SPPL3: variants seen among roughly 807,000 people sequenced by gnomAD.
The protein encoded by SPPL3 is signal peptide peptidase like 3.
Under a neutral mutation model 42.4 loss-of-function variants are expected in SPPL3, and 5 were observed. The ratio of observed to expected loss-of-function variants is 0.12; its 90% CI spans 0.06 to 0.25. The LOEUF is 0.25. Among genes scored for constraint, SPPL3 ranks in the 10% least tolerant of loss-of-function variants. SPPL3 has a pLI of 1.00. For missense variants in SPPL3, 235 were observed against 489.0 expected (o/e 0.48, Z 4.90); for synonymous variants, 195 against 181.8 (o/e 1.07, Z -0.58).
intron 10 of SPPL3, 120 bp downstream of exon 10, chr12:120,766,133 CACACACACAG>C: frequency 1.5e-6 from 1 of 655,124 alleles, no homozygotes; most frequent in Non-Finnish European, 2.5e-6. Flanking sequence ...CACACACACA[CACACACACAG>C]TCGAGATCAC....
intron 2 of SPPL3, among the ~76,000 whole-genome samples, chr12:120,808,459 T>A (rs766248582): frequency 6.6e-6 from 1 of 152,224 alleles, no homozygotes; most frequent in African/African-American, 2.4e-5. Context: ...TTACATAAAA[T>A]TTGGTTTAAA....
chr12:120,806,517 T>C (rs1347730292), intron 2 of SPPL3, among the ~76,000 whole-genome samples: 1 of 151,986 alleles, frequency 6.6e-6, no homozygotes, highest in Non-Finnish European at 1.5e-5. Context: ...GAATCATAAT[T>C]TTAAATGTAA....
In SPPL3 at chr12:120,764,562, A is replaced by C; in HGVS notation, c.*437T>G. ...AGTTCTCTGAAACTGAGTCCCCTAT[A>C]GGAAACTGGTCCCAAAGTTCTCGAG... On this transcript the variant is annotated 3_prime_UTR_variant, in exon 11 of 11. Transcript: ENST00000353487. The C allele has an allele frequency of 3.7e-6, 1 of 268,748 alleles. No homozygotes were observed. The highest frequency in any genetic ancestry group is 6.9e-6 in the Non-Finnish European group (1 of 144,236). 16.6% of individuals were successfully genotyped at this position (268,748 alleles called of 1,614,324 possible). A position where few individuals can be genotyped will look rare whatever the true frequency, so the allele number is the denominator to read the frequency against.
At chr12:120,856,826 T>G (rs547866542) in intron 1 of SPPL3, among the ~76,000 whole-genome samples, 1 of 152,130 alleles carries the variant, frequency 6.6e-6, no homozygotes, top group Non-Finnish European at 1.5e-5. Flanking sequence ...AACAGGGTAT[T>G]TGATGAATCT....
chr12:120,901,007 A>G (rs1213615191), intron 1 of SPPL3, among the ~76,000 whole-genome samples: 1 of 152,092 alleles, frequency 6.6e-6, no homozygotes, highest in Non-Finnish European at 1.5e-5. Flanking sequence ...GCAAAATGAC[A>G]GATAATCCAA....
rs534563167 is a variant in SPPL3, at chr12:120,897,213, A to G, written c.23+6632T>C. ...AAATCTTTTTGAGAAATGCATGATC[A>G]TTAAGCATTTAAATTGATAGTACTA... On this transcript the variant is annotated intron_variant, in intron 1 of 10. Transcript: ENST00000353487. Among the ~76,000 whole-genome samples, 13 of 152,384 alleles carry G rather than the reference A, an allele frequency of 8.5e-5. No homozygotes were observed. In the South Asian group the frequency reaches 2.7e-3, roughly 32 times the overall value.
chr12:120,881,112 T>C lies in SPPL3; in HGVS notation c.23+22733A>G, dbSNP rs529198648. The stretch of plus-strand genomic sequence containing the variant: ...GTGGAAAAACTGAAACCCTTATACA[T>C]TGCTGGTGGGAATGTAAAATTTGGC... On this transcript the variant is annotated intron_variant, in intron 1 of 10. Coordinates refer to ENST00000353487, the MANE Select transcript of SPPL3 (RefSeq NM_139015.5). 3.3e-5 allele frequency among the ~76,000 whole-genome samples: 5 copies of C among 152,084 alleles called. No homozygotes were observed. In the East Asian group the frequency reaches 5.8e-4, roughly 18 times the overall value.
At chr12:120,768,589 G>C (rs1831761929) in intron 7 of SPPL3, 101 bp from the exon 8 acceptor site, 1 of 1,305,008 alleles carries the variant, frequency 7.7e-7, no homozygotes, top group African/African-American at 1.5e-5. Context: ...AGAATGCTGT[G>C]ACTGCAATGC....
Position 120,801,297 on chromosome 12 carries a change from T to C in SPPL3, c.101+9512A>G, listed in dbSNP as rs150160961. 5.6e-3 allele frequency among the ~76,000 whole-genome samples: 851 copies of C among 152,150 alleles called. 3 individuals carry two copies. The highest frequency in any genetic ancestry group is 0.014 in the Middle Eastern group (4 of 294). On this transcript the variant is annotated intron_variant, in intron 2 of 10. Transcript: ENST00000353487. The stretch of plus-strand genomic sequence containing the variant: ...CCACCTGTGCTAGCTGGGCCTCCTC[T>C]TCTCTCTCTCTCATAATCTGTCTCA...
chr12:120,904,046 A>G lies in SPPL3; in HGVS notation c.-179T>C, dbSNP rs2686458. On this transcript the variant is annotated 5_prime_UTR_variant, in exon 1 of 11. Coordinates refer to ENST00000353487, the MANE Select transcript of SPPL3 (RefSeq NM_139015.5). ...CTGGCGGGGAGAGGCCGGGCTCCGAAGCGGCCCCGCTCCCTGGGCCCCGGG... is the reference window on the plus strand; with the variant it reads ...CTGGCGGGGAGAGGCCGGGCTCCGAGGCGGCCCCGCTCCCTGGGCCCCGGG... 394,332 of 401,128 alleles carry G rather than the reference A, an allele frequency of 0.98. 194,191 individuals are homozygous for G. The highest frequency in any genetic ancestry group is 1 in the East Asian group (22,619 of 22,624). The allele number at this position is 401,128 out of a possible 1,614,324, so 24.8% of individuals were successfully genotyped here.
At chr12:120,893,718 C>G (rs991060167) in intron 1 of SPPL3, among the ~76,000 whole-genome samples, 5 of 152,118 alleles carry the variant, frequency 3.3e-5, no homozygotes, top group African/African-American at 9.7e-5. Context: ...TTCTCTTATG[C>G]CTTTTCATCG....
intron 1 of SPPL3, among the ~76,000 whole-genome samples, chr12:120,872,167 T>C (rs1872953920): frequency 6.6e-6 from 1 of 152,234 alleles, no homozygotes; most frequent in African/African-American, 2.4e-5. Flanking sequence ...CCAAAAATTC[T>C]GATCCATGGT....
chr12:120,771,604 C>T (rs1350842688), intron 6 of SPPL3, among the ~76,000 whole-genome samples: 1 of 152,160 alleles, frequency 6.6e-6, no homozygotes, highest in Non-Finnish European at 1.5e-5. Context: ...GAAGGTTCCC[C>T]GAGAGCATGG....
chr12:120,816,965 T>C (rs2137005800), intron 1 of SPPL3, among the ~76,000 whole-genome samples: 1 of 152,230 alleles, frequency 6.6e-6, no homozygotes, highest in African/African-American at 2.4e-5. Flanking sequence ...CCAGATAAAC[T>C]TGAAGGCCAA....
At chr12:120,769,326 C>T (rs566391963) in intron 6 of SPPL3, 34 of 327,754 alleles carry the variant, frequency 1.0e-4, no homozygotes, top group African/African-American at 6.8e-4. Context: ...CCAAGACCTC[C>T]AAGCTCTCTT....
At chr12:120,872,731 C>G (rs1447538436) in intron 1 of SPPL3, among the ~76,000 whole-genome samples, 1 of 152,148 alleles carries the variant, frequency 6.6e-6, no homozygotes, top group African/African-American at 2.4e-5. Context: ...CAGGGCTGGT[C>G]ACTCTGACCA....
intron 1 of SPPL3, among the ~76,000 whole-genome samples, chr12:120,856,503 CTTTTTTTT>C (rs35137934): frequency 1.1e-5 from 1 of 89,202 alleles, no homozygotes; most frequent in African/African-American, 4.5e-5. Flanking sequence ...CAATTTTCAT[CTTTTTTTT>C]TTTTTTTTTT....
intron 1 of SPPL3, among the ~76,000 whole-genome samples, chr12:120,823,653 T>C (rs1871144079): frequency 6.6e-6 from 1 of 152,214 alleles, no homozygotes; most frequent in Admixed American, 6.5e-5. Context: ...TGATACTGTC[T>C]ACTCTCATGC....
intron 6 of SPPL3, chr12:120,769,901 T>A (rs1869054488): frequency 6.6e-6 from 1 of 151,894 alleles, no homozygotes; most frequent in African/African-American, 2.4e-5. Flanking sequence ...TCACACAATC[T>A]GTTCCCCCCC....
Sources: gnomAD v4.1 joint callset for allele counts (sites outside exome capture counted in the v4.1 genomes callset) on GRCh38, gnomAD v4.1.1 for gene constraint, MANE v1.5 for transcripts, NCBI Gene and HGNC (gene_info 2026-07-23, HGNC 2026-07-21) for gene names.